The following ADCY8 variants were observed in gnomAD, a reference collection of about 807,000 sequenced individuals.
The protein encoded by ADCY8 is adenylate cyclase 8, also known as adenylate cyclase type 8.
A neutral mutation model predicts 119.7 loss-of-function variants in ADCY8; 51 were observed. The observed-to-expected ratio is 0.43, with a 90% CI of 0.34 to 0.54. The LOEUF (loss-of-function observed/expected upper bound fraction) is 0.54, where lower values mean the gene tolerates loss of function less well. ADCY8 is among the 20% of genes least tolerant of loss of function. The probability of loss-of-function intolerance (pLI) is 0.03; values close to 1 mark genes in which losing one functional copy is unlikely to be tolerated. For missense variants in ADCY8, 1,383 were observed against 1,598.8 expected (o/e 0.87, Z 2.30); for synonymous variants, 665 against 651.0 (o/e 1.02, Z -0.33).
chr8:130,959,167 T>C (rs1821524294), intron 2 of ADCY8, among the ~76,000 whole-genome samples: 1 of 152,204 alleles, frequency 6.6e-6, no homozygotes, highest in Non-Finnish European at 1.5e-5. Context: ...TTAAACTATA[T>C]TAAAGTATAT....
intron 12 of ADCY8, among the ~76,000 whole-genome samples, chr8:130,832,069 G>A (rs963645526): frequency 1.3e-5 from 2 of 152,138 alleles, no homozygotes; most frequent in East Asian, 3.9e-4. Flanking sequence ...TCACATATCT[G>A]GTTGATGGAA....
At chr8:130,882,579 C>T (rs1818817405) in intron 8 of ADCY8, among the ~76,000 whole-genome samples, 1 of 152,164 alleles carries the variant, frequency 6.6e-6, no homozygotes, top group Admixed American at 6.5e-5. Flanking sequence ...GCTATGGCAT[C>T]ATGGTAGGCT....
At chr8:130,822,727 G>A (rs1474335445) in intron 12 of ADCY8, among the ~76,000 whole-genome samples, 1 of 152,166 alleles carries the variant, frequency 6.6e-6, no homozygotes, top group African/African-American at 2.4e-5. Context: ...AAAGATTAAA[G>A]ACATGAGGTT....
At chr8:130,994,780 T>C (rs1161021214) in intron 1 of ADCY8, among the ~76,000 whole-genome samples, 1 of 152,224 alleles carries the variant, frequency 6.6e-6, no homozygotes, top group Non-Finnish European at 1.5e-5. Flanking sequence ...TTCCTTTATT[T>C]TTACTGCTAA....
intron 3 of ADCY8, among the ~76,000 whole-genome samples, chr8:130,946,999 G>A (rs992750913): frequency 2.0e-5 from 3 of 152,120 alleles, no homozygotes; most frequent in African/African-American, 7.2e-5. Context: ...TGCTTGTTCT[G>A]CCACCTCCAG....
chr8:130,930,605 G>A (rs1387119360), intron 5 of ADCY8, among the ~76,000 whole-genome samples: 2 of 151,986 alleles, frequency 1.3e-5, no homozygotes, highest in Non-Finnish European at 2.9e-5. Flanking sequence ...TGGTTACCAT[G>A]AGGCTTACAA....
chr8:130,918,326 A>C (rs1820192978), intron 5 of ADCY8, among the ~76,000 whole-genome samples: 1 of 152,176 alleles, frequency 6.6e-6, no homozygotes, highest in South Asian at 2.1e-4. Flanking sequence ...AGAGAGAGCC[A>C]GCAAGCTCTC....
At chr8:130,790,052 G>T (rs1233369401) in intron 15 of ADCY8, among the ~76,000 whole-genome samples, 1 of 152,178 alleles carries the variant, frequency 6.6e-6, no homozygotes, top group African/African-American at 2.4e-5. Flanking sequence ...TCCAGGCACT[G>T]AGGTAGGGAT....
intron 1 of ADCY8, among the ~76,000 whole-genome samples, chr8:131,005,062 C>T (rs1410806902): frequency 6.6e-6 from 1 of 152,118 alleles, no homozygotes; most frequent in African/African-American, 2.4e-5. Flanking sequence ...TCTCTGTCCC[C>T]CTAGATCTCA....
At chr8:130,818,409 G>A (rs1366979914) in intron 13 of ADCY8, among the ~76,000 whole-genome samples, 1 of 152,194 alleles carries the variant, frequency 6.6e-6, no homozygotes, top group Non-Finnish European at 1.5e-5. Context: ...AGTGAATCAG[G>A]CACCAGGTGG....
chr8:130,975,771 T>C (rs947907250), intron 2 of ADCY8, among the ~76,000 whole-genome samples: 3 of 152,198 alleles, frequency 2.0e-5, no homozygotes, highest in Non-Finnish European at 2.9e-5. Context: ...AGCCATTAAG[T>C]TGTCTATAAA....
At chr8:131,019,831 C>CTCTGTCTG (rs1563770579) in intron 1 of ADCY8, among the ~76,000 whole-genome samples, 112 of 100,440 alleles carry the variant, frequency 1.1e-3, no homozygotes, top group Non-Finnish European at 1.9e-3. Flanking sequence ...CTCTCTCTCT[C>CTCTGTCTG]TCTCTCTGTC....
At chr8:130,839,228 T>C (rs981287049) in intron 11 of ADCY8, among the ~76,000 whole-genome samples, 1 of 139,658 alleles carries the variant, frequency 7.2e-6, no homozygotes, top group Non-Finnish European at 1.6e-5. Flanking sequence ...GCAAATATAA[T>C]TGTACATTTG....
intron 7 of ADCY8, among the ~76,000 whole-genome samples, chr8:130,889,772 G>C (rs1819118586): frequency 6.6e-6 from 1 of 152,086 alleles, no homozygotes; most frequent in Non-Finnish European, 1.5e-5. Context: ...CAGTGCACGT[G>C]GCATCTGACC....
At position 130,937,213 on chromosome 8, in the gene ADCY8, G is replaced by A. The variant is rs777947824; in HGVS notation, c.1354-13C>T. ...GGCAGTGATGCTCCTGGAAGGAACA[G>A]GATAAGAGGGAAAGGTCTATGTCAG... On this transcript the variant is annotated splice_polypyrimidine_tract_variant and intron_variant, in intron 4 of 17. Transcript: ENST00000286355. The A allele has an allele frequency of 1.9e-6, 3 of 1,611,612 alleles. No individual in the cohort carries two copies. The highest frequency in any genetic ancestry group is 1.7e-5 in the Admixed American group (1 of 59,716).
At position 130,876,444 on chromosome 8, in the gene ADCY8, C is replaced by A. The variant is rs577721178; in HGVS notation, c.2109+8120G>T. 1.4e-4 allele frequency among the ~76,000 whole-genome samples: 18 copies of A among 131,140 alleles called. 1 individual carries two copies. In the South Asian group the frequency reaches 4.2e-3, roughly 31 times the overall value. 86.0% of individuals were successfully genotyped at this position (131,140 alleles called of 152,430 possible). A position where few individuals can be genotyped will look rare whatever the true frequency, so the allele number is the denominator to read the frequency against. On this transcript the variant is annotated intron_variant, in intron 8 of 17. Coordinates refer to ENST00000286355, the MANE Select transcript of ADCY8 (RefSeq NM_001115.3). ...CTCCTTGATTGCTCAAGCTAATCAGCCTTTTTTGGGATACACAGTTCAACG... is the reference window on the plus strand; with the variant it reads ...CTCCTTGATTGCTCAAGCTAATCAGACTTTTTTGGGATACACAGTTCAACG...
intron 7 of ADCY8, among the ~76,000 whole-genome samples, chr8:130,889,722 GT>G (rs770925473): frequency 2.9e-4 from 44 of 152,242 alleles, no homozygotes; most frequent in Admixed American, 1.0e-3. Flanking sequence ...TTCTTAGTTT[GT>G]CCTTGCCTTG....
intron 7 of ADCY8, among the ~76,000 whole-genome samples, chr8:130,895,075 C>T (rs564769457): frequency 2.1e-4 from 32 of 152,128 alleles, no homozygotes; most frequent in Admixed American, 3.9e-4. Flanking sequence ...ATAAATCCCA[C>T]TTCTTTGTTT....
chr8:130,974,101 G>A (rs1750369815), intron 2 of ADCY8, among the ~76,000 whole-genome samples: 1 of 152,180 alleles, frequency 6.6e-6, no homozygotes, highest in South Asian at 2.1e-4. Flanking sequence ...GAGTAGACTA[G>A]CAACCTATCC....
Sources: allele counts gnomAD v4.1 joint callset (sites outside exome capture counted in the v4.1 genomes callset), GRCh38; gene constraint gnomAD v4.1.1; transcripts MANE v1.5; gene names NCBI Gene and HGNC (gene_info 2026-07-23, HGNC 2026-07-21).